DLGAP1: variants seen among roughly 807,000 people sequenced by gnomAD.
DLGAP1 encodes disks large-associated protein 1.
DLGAP1 carries 11 observed loss-of-function variants against 90.8 expected under a neutral mutation model. The ratio of observed to expected loss-of-function variants is 0.12; its 90% CI spans 0.08 to 0.20. The LOEUF (loss-of-function observed/expected upper bound fraction) is 0.20. Among genes scored for constraint, DLGAP1 ranks in the 10% least tolerant of loss-of-function variants. DLGAP1 has a pLI of 1.00. For missense variants in DLGAP1, 1,050 were observed against 1,333.8 expected (o/e 0.79, Z 3.31); for synonymous variants, 558 against 540.7 (o/e 1.03, Z -0.44).
At chr18:4,058,517 C>T (rs569432969) in intron 2 of DLGAP1, among the ~76,000 whole-genome samples, 42 of 152,244 alleles carry the variant, frequency 2.8e-4, no homozygotes, top group African/African-American at 9.4e-4. Flanking sequence ...CTTTTAAGGG[C>T]CCTGCCTACT....
intron 3 of DLGAP1, among the ~76,000 whole-genome samples, chr18:3,981,586 G>T (rs572947443): frequency 6.6e-6 from 1 of 152,216 alleles, no homozygotes; most frequent in Non-Finnish European, 1.5e-5. Context: ...GCCCCAGAAG[G>T]CTCTATAACT....
At chr18:3,605,573 ATTTTC>A (rs2057290467) in intron 7 of DLGAP1, among the ~76,000 whole-genome samples, 1 of 152,180 alleles carries the variant, frequency 6.6e-6, no homozygotes, top group African/African-American at 2.4e-5. Flanking sequence ...TCTCTTGCAT[ATTTTC>A]TTTTCAAACA....
intron 2 of DLGAP1, among the ~76,000 whole-genome samples, chr18:4,110,869 G>T (rs1051050306): frequency 3.9e-5 from 6 of 152,088 alleles, no homozygotes; most frequent in Non-Finnish European, 8.8e-5. Context: ...TGAGATTCCT[G>T]GGATTTTCTG....
chr18:3,825,968 C>T (rs139218524), intron 4 of DLGAP1, among the ~76,000 whole-genome samples: 382 of 152,274 alleles, frequency 2.5e-3, no homozygotes, highest in African/African-American at 8.6e-3. Flanking sequence ...AAATCATGTC[C>T]TTTGCAGCAA....
intron 1 of DLGAP1, among the ~76,000 whole-genome samples, chr18:4,171,943 C>G (rs1167910335): frequency 6.6e-6 from 1 of 152,204 alleles, no homozygotes; most frequent in African/African-American, 2.4e-5. Flanking sequence ...AACCAGGGCA[C>G]AGAGCCTCCT....
At chr18:3,634,637 A>G (rs1053353602) in intron 7 of DLGAP1, among the ~76,000 whole-genome samples, 20 of 152,206 alleles carry the variant, frequency 1.3e-4, no homozygotes, top group Non-Finnish European at 1.5e-5. Flanking sequence ...TTTAAGACAC[A>G]CTTTGTGATT....
At chr18:3,802,671 T>C (rs2066364891) in intron 5 of DLGAP1, among the ~76,000 whole-genome samples, 1 of 151,988 alleles carries the variant, frequency 6.6e-6, no homozygotes. Flanking sequence ...ATTTCAAAAC[T>C]TACAAATAAT....
intron 2 of DLGAP1, among the ~76,000 whole-genome samples, chr18:4,142,953 T>C (rs942932609): frequency 6.6e-6 from 1 of 152,156 alleles, no homozygotes; most frequent in Non-Finnish European, 1.5e-5. Context: ...CCTCTCTTAC[T>C]TTCTCCCAAA....
chr18:4,215,363 C>T (rs1337789266), intron 1 of DLGAP1, among the ~76,000 whole-genome samples: 1 of 152,126 alleles, frequency 6.6e-6, no homozygotes, highest in Non-Finnish European at 1.5e-5. Context: ...TATTTAAAGA[C>T]AGGCCTTACA....
chr18:3,997,140 C>T lies in DLGAP1; in HGVS notation c.-73+7976G>A, dbSNP rs979956610. Among the ~76,000 whole-genome samples, 13 of 73,410 alleles carry T rather than the reference C, an allele frequency of 1.8e-4. 3 individuals are homozygous for T. Among genetic ancestry groups the T allele is most frequent in the Non-Finnish European group, 2.9e-4 (11 of 37,492 alleles). 48.2% of individuals were successfully genotyped at this position (73,410 alleles called of 152,430 possible). ...CCTTTCCCACGGGAAAGGTTATTTT[C>T]GTCTAATGTTACCCATAACTCATTC... On this transcript the variant is annotated intron_variant, in intron 3 of 12. Transcript: ENST00000315677.
chr18:3,866,936 TG>T (rs2070424877), intron 4 of DLGAP1, among the ~76,000 whole-genome samples: 1 of 152,220 alleles, frequency 6.6e-6, no homozygotes, highest in East Asian at 1.9e-4. Flanking sequence ...CTGTAACCTC[TG>T]CTTCGCGGGT....
intron 3 of DLGAP1, chr18:3,993,092 T>A (rs1305304080): frequency 4.0e-5 from 6 of 149,154 alleles, no homozygotes; most frequent in Non-Finnish European, 8.9e-5. Flanking sequence ...TTTTTTCAGT[T>A]CTGCCAACGA....
chr18:3,533,644 A>G (rs961823041), intron 10 of DLGAP1, among the ~76,000 whole-genome samples: 1 of 152,142 alleles, frequency 6.6e-6, no homozygotes, highest in Admixed American at 6.5e-5. Flanking sequence ...GTGTGATCAT[A>G]GCTCACTGCA....
chr18:4,448,123 C>T (rs2083712858), intron 1 of DLGAP1, among the ~76,000 whole-genome samples: 1 of 152,114 alleles, frequency 6.6e-6, no homozygotes, highest in Admixed American at 6.6e-5. Context: ...GTAAGTCTTA[C>T]AAATCCATGA....
At chr18:3,579,048 A>G (rs929045977) in intron 8 of DLGAP1, among the ~76,000 whole-genome samples, 6 of 151,944 alleles carry the variant, frequency 3.9e-5, no homozygotes, top group Admixed American at 1.3e-4. Context: ...TGAAAATAAT[A>G]ATTATTATTA....
chr18:4,123,554 A>G (rs2076186462), intron 2 of DLGAP1, among the ~76,000 whole-genome samples: 1 of 152,192 alleles, frequency 6.6e-6, no homozygotes, highest in Admixed American at 6.5e-5. Context: ...AATATGACTA[A>G]ATGACCCTAC....
At chr18:3,921,143 A>T (rs2072261299) in intron 3 of DLGAP1, among the ~76,000 whole-genome samples, 1 of 152,214 alleles carries the variant, frequency 6.6e-6, no homozygotes, top group Non-Finnish European at 1.5e-5. Flanking sequence ...TCACAAATGC[A>T]AGGAAAGAAA....
At chr18:4,062,694 C>A (rs1175619582) in intron 2 of DLGAP1, among the ~76,000 whole-genome samples, 1 of 152,060 alleles carries the variant, frequency 6.6e-6, no homozygotes, top group East Asian at 1.9e-4. Flanking sequence ...GCAAACAAAT[C>A]AGTCTCATTA....
At chr18:3,740,803 C>T in intron 6 of DLGAP1, among the ~76,000 whole-genome samples, 1 of 150,582 alleles carries the variant, frequency 6.6e-6, no homozygotes, top group African/African-American at 2.4e-5. Context: ...TCATAACCAC[C>T]ACCGCCACCA....
Sources: allele counts gnomAD v4.1 joint callset (sites outside exome capture counted in the v4.1 genomes callset), GRCh38; gene constraint gnomAD v4.1.1; transcripts MANE v1.5; gene names NCBI Gene and HGNC (gene_info 2026-07-23, HGNC 2026-07-21).